The following MED13 variants were observed in gnomAD, a reference collection of about 807,000 sequenced individuals.
The protein encoded by MED13 is mediator complex subunit 13.
Under a neutral mutation model 225.2 loss-of-function variants are expected in MED13, and 23 were observed. The ratio of observed to expected loss-of-function variants is 0.10; its 90% confidence interval spans 0.07 to 0.14. The LOEUF (loss-of-function observed/expected upper bound fraction) is 0.14. Ranked by LOEUF, MED13 falls within the 10% of genes least tolerant of loss-of-function variation. MED13 has a pLI of 1.00. For missense variants in MED13, 2,197 were observed against 2,594.5 expected, an observed-to-expected ratio of 0.85 and a Z score of 3.33; for synonymous variants, 942 against 889.2, an observed-to-expected ratio of 1.06 and a Z score of -1.06.
intron 16 of MED13, among the ~76,000 whole-genome samples, chr17:61,976,552 CTTAAT>C (rs2143429155): frequency 6.6e-6 from 1 of 152,302 alleles, no homozygotes; most frequent in South Asian, 2.1e-4. Context: ...GTATGGTATT[CTTAAT>C]TTTTGTTCAG....
chr17:61,982,942 G>C lies in MED13; in HGVS notation c.3061C>G (p.Pro1021Ala). 6.2e-7 allele frequency: 1 copy of C among 1,614,118 alleles called. No individual in the cohort carries two copies. Among genetic ancestry groups the C allele is most frequent in the East Asian group, 2.2e-5 (1 of 44,880 alleles). The change falls in exon 16 of 30, where the codon CCT (proline) becomes GCT (alanine). Residue 1021 changes from proline to alanine, a missense_variant. By Grantham distance (27) the Pro-to-Ala change is conservative. Coordinates refer to ENST00000397786, the MANE Select transcript of MED13 (RefSeq NM_005121.3). Reference protein sequence around the residue: ...TPRTPRTPRTPRGAGGPASAQ... With the variant: ...TPRTPRTPRTARGAGGPASAQ... ...CTAGCAGGTCCACCAGCTCCACGAGGAGTCCGAGGAGTCCTTGGAGTCCTT... is the reference window on the plus strand; with the variant it reads ...CTAGCAGGTCCACCAGCTCCACGAGCAGTCCGAGGAGTCCTTGGAGTCCTT...
At chr17:61,952,004 T>C (rs1168710570) in intron 27 of MED13, among the ~76,000 whole-genome samples, 1 of 152,124 alleles carries the variant, frequency 6.6e-6, no homozygotes, top group Non-Finnish European at 1.5e-5. Context: ...TTCACACCAT[T>C]CTCCTGTCTC....
At chr17:61,971,703 G>A (rs184732908) in intron 17 of MED13, among the ~76,000 whole-genome samples, 1 of 152,170 alleles carries the variant, frequency 6.6e-6, no homozygotes, top group Non-Finnish European at 1.5e-5. Context: ...GGAGGCTGAG[G>A]CAGGCAGATC....
rs1303147325 is a variant in MED13 at position 61,984,268 on chromosome 17, T to C, written c.2791A>G (p.Ile931Val). 3 of 1,611,936 alleles carry C rather than the reference T, an allele frequency of 1.9e-6. No homozygotes were observed. Among genetic ancestry groups the C allele is most frequent in the Non-Finnish European group, 1.7e-6 (2 of 1,179,240 alleles). Reference protein sequence around the residue: ...KTLPSQYLPPIKLPEECIYRQ... With the variant: ...KTLPSQYLPPVKLPEECIYRQ... ...TAAATACACTCTTCTGGCAATTTGA[T>C]AGGGGGCAGATATTGGCTTGGTAGA... The change falls in exon 15 of 30, where the codon ATC becomes GTC. Residue 931 changes from isoleucine to valine, a missense_variant. Physicochemically the swap from Ile to Val is conservative, Grantham distance 29. Transcript: ENST00000397786.
intron 2 of MED13, among the ~76,000 whole-genome samples, chr17:62,058,542 A>G (rs951758303): frequency 6.7e-6 from 1 of 149,724 alleles, no homozygotes; most frequent in Non-Finnish European, 1.5e-5. Context: ...AAAAAAAAAA[A>G]GAAAGAAAGA....
chr17:61,954,046 GTCTCTC>G (rs755091792), intron 26 of MED13, among the ~76,000 whole-genome samples: 1 of 151,746 alleles, frequency 6.6e-6, no homozygotes, highest in African/African-American at 2.4e-5. Flanking sequence ...TGTGAATGTG[GTCTCTC>G]TCTCTCTCTT....
At chr17:62,063,921 T>G (rs568378255) in intron 1 of MED13, among the ~76,000 whole-genome samples, 1 of 152,182 alleles carries the variant, frequency 6.6e-6, no homozygotes, top group African/African-American at 2.4e-5. Flanking sequence ...GTATGTCTTA[T>G]TACATGTGAA....
intron 8 of MED13, among the ~76,000 whole-genome samples, chr17:62,017,482 A>T (rs2080594507): frequency 6.6e-6 from 1 of 152,238 alleles, no homozygotes. Flanking sequence ...TTTGTCTACT[A>T]AATTCAAAGT....
At position 61,982,853 on chromosome 17, in the gene MED13, T is replaced by C. The variant is rs1871345483; in HGVS notation, c.3150A>G (p.Thr1050=). The change falls in exon 16 of 30, where the codon ACA becomes ACG. Residue 1050 remains threonine (T), a synonymous_variant. Transcript: ENST00000397786. ...GTTCAACAGAATTAAGGGGTCTGCA[T>C]GTAGATGGGGTAGAAGCTGGTGAAT... ...DLYSPASTPS[T]CRPLNSVEPA... 2 of 1,614,186 alleles carry C rather than the reference T, an allele frequency of 1.2e-6. No homozygotes were observed. The highest frequency in any genetic ancestry group is 8.5e-7 in the Non-Finnish European group (1 of 1,180,030).
chr17:61,951,065 G>T, intron 27 of MED13, 67 bp from the exon 28 acceptor site: 1 of 1,259,366 alleles, frequency 7.9e-7, no homozygotes, highest in Non-Finnish European at 1.1e-6. Flanking sequence ...TATAAACACA[G>T]AATGGCTCAT....
chr17:61,947,164 G>A, intron 28 of MED13, 147 bp from the exon 29 acceptor site: 1 of 422,216 alleles, frequency 2.4e-6, no homozygotes, highest in South Asian at 4.3e-5. Context: ...AAAAATGCTT[G>A]TTCTCTTTTA....
chr17:62,040,011 A>G (rs1344915026), intron 3 of MED13, among the ~76,000 whole-genome samples: 1 of 152,070 alleles, frequency 6.6e-6, no homozygotes, highest in Non-Finnish European at 1.5e-5. Context: ...ACCTCAAGTG[A>G]TCCTCCTGCC....
At chr17:61,964,898 T>A in intron 20 of MED13, 108 bp downstream of exon 20, 1 of 1,051,534 alleles carries the variant, frequency 9.5e-7, no homozygotes, top group South Asian at 1.7e-5. Context: ...ATCCCACCAC[T>A]GCAGTACAGC....
chr17:61,980,703 T>C (rs1261367269), intron 16 of MED13, among the ~76,000 whole-genome samples: 1 of 152,188 alleles, frequency 6.6e-6, no homozygotes, highest in East Asian at 1.9e-4. Context: ...TGATTTATCC[T>C]GCTTCTGTTC....
chr17:62,008,596 A>G (rs1460167556), intron 9 of MED13, among the ~76,000 whole-genome samples: 2 of 152,152 alleles, frequency 1.3e-5, no homozygotes, highest in African/African-American at 4.8e-5. Flanking sequence ...ACATGTAGCC[A>G]AATTATCAAT....
Position 61,961,718 on chromosome 17 carries a change from T to C in MED13, c.5126A>G (p.Gln1709Arg). Residue 1709 changes from glutamine (Q) to arginine (R), a missense_variant, in exon 22 of 30, where the codon CAG becomes CGG. By Grantham distance (43) the Gln-to-Arg change is conservative. Transcript: ENST00000397786. ...CGAAAAAGCCAGGGATTTTAAATGCTGGGGATAGATTTCTCTATCTTCATG... is the reference window on the plus strand; with the variant it reads ...CGAAAAAGCCAGGGATTTTAAATGCCGGGGATAGATTTCTCTATCTTCATG... ...VKHEDREIYP[Q>R]HLKSLAFSAF... 1 of 1,614,060 alleles carries C rather than the reference T, an allele frequency of 6.2e-7. No homozygotes were observed. The highest frequency in any genetic ancestry group is 8.5e-7 in the Non-Finnish European group (1 of 1,179,992).
chr17:61,974,274 C>A (rs1327083542), intron 16 of MED13, among the ~76,000 whole-genome samples: 1 of 152,018 alleles, frequency 6.6e-6, no homozygotes, highest in Non-Finnish European at 1.5e-5. Context: ...TATGGTGCCA[C>A]ACGCCTGTGG....
chr17:61,987,612 A>ATTTTTTTTTTTTTTTTTTT (rs2080259614), intron 11 of MED13, among the ~76,000 whole-genome samples: 1 of 152,166 alleles, frequency 6.6e-6, no homozygotes, highest in Admixed American at 6.5e-5. Flanking sequence ...ATAAATGATT[A>ATTTTTTTTTTTTTTTTTTT]TATCTTTCCC....
chr17:62,022,405 A>T (rs940400634), intron 8 of MED13, among the ~76,000 whole-genome samples: 4 of 151,990 alleles, frequency 2.6e-5, no homozygotes, highest in African/African-American at 9.7e-5. Flanking sequence ...AACAAACTGT[A>T]TGTCCATCAA....
Sources: allele counts gnomAD v4.1 joint callset (sites outside exome capture counted in the v4.1 genomes callset), GRCh38; gene constraint gnomAD v4.1.1; transcripts MANE v1.5; gene names NCBI Gene and HGNC (gene_info 2026-07-23, HGNC 2026-07-21).